The following FTCDNL1 variants were observed in gnomAD, a reference collection of about 807,000 sequenced individuals.
The protein encoded by FTCDNL1 is formiminotransferase cyclodeaminase N-terminal like.
In FTCDNL1, 11 loss-of-function variants were observed where a neutral mutation model predicts 5.9. The observed-to-expected ratio is 1.87, with a 90% CI of 1.18 to 3.10. The LOEUF is 3.10. FTCDNL1 is among the 30% of genes most tolerant of loss of function. The pLI is 0.00. For missense variants in FTCDNL1, 115 were observed against 65.5 expected (o/e 1.76, Z -2.61); for synonymous variants, 58 against 24.8 (o/e 2.34, Z -3.99).
intron 3 of FTCDNL1, among the ~76,000 whole-genome samples, chr2:199,799,814 A>G (rs1012185996): frequency 2.0e-5 from 3 of 152,104 alleles, no homozygotes; most frequent in African/African-American, 7.2e-5. Flanking sequence ...TCTGAGCCTG[A>G]ATGTTTTGCC....
At chr2:199,717,572 T>C in the FTCDNL1 span, among the ~76,000 whole-genome samples, 1 of 146,234 alleles carries the variant, frequency 6.8e-6, no homozygotes, top group African/African-American at 2.6e-5. Flanking sequence ...CCTCTGCTGC[T>C]TTCATTTCAC....
chr2:199,834,852 A>G (rs1032514295), intron 3 of FTCDNL1, among the ~76,000 whole-genome samples: 5 of 152,172 alleles, frequency 3.3e-5, no homozygotes, highest in Admixed American at 3.3e-4. Context: ...AACTTTGTGC[A>G]ATGCTTTCCC....
rs1261084341 is a variant in FTCDNL1, at chr2:199,811,950, A to C, written c.*755T>G. On this transcript the variant is annotated 3_prime_UTR_variant, in exon 5 of 5. Coordinates refer to ENST00000420128, the MANE Select transcript of FTCDNL1 (RefSeq NM_001363886.2). Reference sequence around the variant, plus strand: ...TGATTGAAATGAAACTCTTATTTTTAAAATTCCTTCAAAAGCATAAAGTTC... The same window carrying C: ...TGATTGAAATGAAACTCTTATTTTTCAAATTCCTTCAAAAGCATAAAGTTC... Among the ~76,000 whole-genome samples, 1 of 152,244 alleles carries C rather than the reference A, an allele frequency of 6.6e-6. No homozygotes were observed. The highest frequency in any genetic ancestry group is 1.5e-5 in the Non-Finnish European group (1 of 68,046).
downstream of FTCDNL1, among the ~76,000 whole-genome samples, chr2:199,805,896 G>A (rs1035480233): frequency 2.0e-5 from 3 of 151,514 alleles, no homozygotes; most frequent in African/African-American, 7.3e-5. Context: ...TGCAGCCTGG[G>A]TAACAAAGCA....
chr2:199,755,690 A>G (rs1698052370), downstream of FTCDNL1, among the ~76,000 whole-genome samples: 4 of 152,142 alleles, frequency 2.6e-5, no homozygotes, highest in Admixed American at 2.0e-4. Context: ...CAGTATACCT[A>G]TGCTGCCCAG....
chr2:199,701,609 C>T, the FTCDNL1 span, among the ~76,000 whole-genome samples: 1 of 152,108 alleles, frequency 6.6e-6, no homozygotes, highest in Admixed American at 6.6e-5. Flanking sequence ...ATATATACAC[C>T]ATGGAATACT....
At chr2:199,747,530 C>G in the FTCDNL1 span, among the ~76,000 whole-genome samples, 1 of 126,788 alleles carries the variant, frequency 7.9e-6, no homozygotes, top group Non-Finnish European at 1.6e-5. Flanking sequence ...ACCCACCCCC[C>G]TCCCAATCAT....
the FTCDNL1 span, among the ~76,000 whole-genome samples, chr2:199,707,089 C>T: frequency 9.5e-4 from 144 of 152,276 alleles, 1 homozygote; most frequent in Non-Finnish European, 2.5e-4. Context: ...ATATATATCC[C>T]AGATGATAAT....
chr2:199,724,995 C>G, the FTCDNL1 span, among the ~76,000 whole-genome samples: 1 of 152,052 alleles, frequency 6.6e-6, no homozygotes, highest in Non-Finnish European at 1.5e-5. Context: ...AAGTCTTTCA[C>G]TATTATTATG....
the FTCDNL1 span, among the ~76,000 whole-genome samples, chr2:199,705,951 T>C: frequency 2.0e-5 from 3 of 152,192 alleles, no homozygotes; most frequent in African/African-American, 7.2e-5. Flanking sequence ...GCCTTCATTC[T>C]TGAGGGCTCT....
downstream of FTCDNL1, among the ~76,000 whole-genome samples, chr2:199,756,840 C>T (rs1011448336): frequency 6.6e-6 from 1 of 152,206 alleles, no homozygotes; most frequent in Non-Finnish European, 1.5e-5. Context: ...AGAGCCCAGA[C>T]TGATGGAGCA....
chr2:199,824,196 C>T (rs1701879034), intron 3 of FTCDNL1, among the ~76,000 whole-genome samples: 1 of 152,338 alleles, frequency 6.6e-6, no homozygotes, highest in East Asian at 1.9e-4. Context: ...TGCTGCTTTA[C>T]CTTGCACTTT....
At chr2:199,805,257 A>G (rs973803843), downstream of FTCDNL1, among the ~76,000 whole-genome samples, 3 of 152,194 alleles carry the variant, frequency 2.0e-5, no homozygotes, top group African/African-American at 7.2e-5. Flanking sequence ...CCTAATAGGG[A>G]ACTGGCTGGC....
intron 3 of FTCDNL1, among the ~76,000 whole-genome samples, chr2:199,821,772 TTC>T (rs1701708899): frequency 6.6e-6 from 1 of 152,202 alleles, no homozygotes; most frequent in Non-Finnish European, 1.5e-5. Context: ...CTGGGAAATG[TTC>T]TTTCTCTGAG....
Position 199,819,609 on chromosome 2 carries a change from G to T in FTCDNL1, c.360C>A (p.Asp120Glu), listed in dbSNP as rs1701562990. Residue 120 changes from aspartate (D) to glutamate (E), a missense_variant, in exon 4 of 5, where the codon GAC becomes GAA. Asp to Glu is a conservative substitution (Grantham distance 45, BLOSUM62 2). Coordinates refer to ENST00000420128, the MANE Select transcript of FTCDNL1 (RefSeq NM_001363886.2). ...TRRDFSALQP[D>E]LGAAPSQRCG... The stretch of plus-strand genomic sequence containing the variant: ...ATCTTTGGGAAGGGGCAGCTCCCAG[G>T]TCAGGCTGAAGAGCACTGAAATCCC... 1.4e-6 allele frequency: 1 copy of T among 701,760 alleles called. No homozygotes were observed. The highest frequency in any genetic ancestry group is 1.8e-5 in the African/African-American group (1 of 57,118). The allele number at this position is 701,760 out of a possible 1,614,324, so 43.5% of individuals were successfully genotyped here. A position where few individuals can be genotyped will look rare whatever the true frequency, so the allele number is the denominator to read the frequency against.
At chr2:199,681,691 A>T in the FTCDNL1 span, among the ~76,000 whole-genome samples, 6 of 152,316 alleles carry the variant, frequency 3.9e-5, no homozygotes, top group South Asian at 1.2e-3. Context: ...GAGTCTCCGG[A>T]TATATTTCCA....
the FTCDNL1 span, among the ~76,000 whole-genome samples, chr2:199,738,098 T>C: frequency 6.6e-5 from 10 of 152,318 alleles, no homozygotes; most frequent in African/African-American, 2.2e-4. Flanking sequence ...TGCAATTCCA[T>C]AGATGTCTGC....
the FTCDNL1 span, among the ~76,000 whole-genome samples, chr2:199,668,733 T>C: frequency 6.6e-6 from 1 of 152,164 alleles, no homozygotes; most frequent in Admixed American, 6.5e-5. Context: ...TCTGAAGTAG[T>C]CGTGAGTAAC....
At chr2:199,827,633 A>G (rs1702116761) in intron 3 of FTCDNL1, among the ~76,000 whole-genome samples, 1 of 152,158 alleles carries the variant, frequency 6.6e-6, no homozygotes, top group Non-Finnish European at 1.5e-5. Context: ...AAGGAAAATG[A>G]AGGAGATGCA....
Sources: allele counts gnomAD v4.1 joint callset (sites outside exome capture counted in the v4.1 genomes callset), GRCh38; gene constraint gnomAD v4.1.1; transcripts MANE v1.5; gene names NCBI Gene and HGNC (gene_info 2026-07-23, HGNC 2026-07-21).